Variants in SAMD3 observed in about 807,000 individuals in gnomAD.
SAMD3 encodes sterile alpha motif domain-containing protein 3.
SAMD3 carries 63 observed loss-of-function variants against 58.5 expected under a neutral mutation model. The observed-to-expected ratio is 1.08, with a 90% CI of 0.88 to 1.33. The LOEUF is 1.33. SAMD3 is among the 40% of genes most tolerant of loss of function. SAMD3 has a pLI of 0.00. For synonymous variants in SAMD3, 220 were observed against 210.3 expected (o/e 1.05, Z -0.40); for missense variants, 604 against 608.4 (o/e 0.99, Z 0.08).
intron 5 of SAMD3, among the ~76,000 whole-genome samples, chr6:130,194,754 A>T (rs1384047730): frequency 3.3e-5 from 5 of 152,096 alleles, no homozygotes; most frequent in Admixed American, 6.5e-5. Context: ...AGCCCATGGA[A>T]CTCTGGCCCA....
intron 2 of SAMD3, among the ~76,000 whole-genome samples, chr6:130,280,488 CT>C (rs1774942515): frequency 6.6e-6 from 1 of 152,156 alleles, no homozygotes; most frequent in South Asian, 2.1e-4. Flanking sequence ...CCTCCCAAAG[CT>C]TGAAAATATC....
At chr6:130,229,281 A>G (rs998659987) in intron 2 of SAMD3, among the ~76,000 whole-genome samples, 1 of 152,202 alleles carries the variant, frequency 6.6e-6, no homozygotes, top group African/African-American at 2.4e-5. Context: ...ATGTCCGATG[A>G]CCAAAGGTAA....
At chr6:130,347,858 A>T in intron 1 of SAMD3, among the ~76,000 whole-genome samples, 1 of 152,250 alleles carries the variant, frequency 6.6e-6, no homozygotes, top group East Asian at 1.9e-4. Flanking sequence ...AGGGAAGCCC[A>T]TCAGACTAAC....
rs369749900 is a variant in SAMD3 at position 130,292,780 on chromosome 6, G to A, written c.-188+20198C>T. Among the ~76,000 whole-genome samples, 13 of 151,930 alleles carry A rather than the reference G, an allele frequency of 8.6e-5. 1 individual carries two copies. Among genetic ancestry groups the A allele is most frequent in the African/African-American group, 9.7e-5 (4 of 41,438 alleles). On this transcript the variant is annotated intron_variant, in intron 2 of 13. Coordinates refer to the SAMD3 transcript ENST00000368134. ...ACTACAGGCGCCCGTCACCACGCCC[G>A]GCTAATTTTTTGTATTTTTAGTAGA...
In SAMD3 at chr6:130,365,349, C is replaced by T. The variant is rs932854846; in HGVS notation, c.-533G>A. On this transcript the variant is annotated 5_prime_UTR_variant, in exon 1 of 14. Transcript: ENST00000368134. ...CATTTCCCCCGCCCATGGTTCTCGC[C>T]CCCCCAAGCCGTTCTCCGGAACCCC... is the stretch of plus-strand genomic sequence containing the variant. 6.0e-4 allele frequency: 595 copies of T among 985,464 alleles called. 1 individual carries two copies. The highest frequency in any genetic ancestry group is 6.7e-4 in the Non-Finnish European group (557 of 830,056). The allele number at this position is 985,464 out of a possible 1,614,324, so 61.0% of individuals were successfully genotyped here.
At chr6:130,192,999 G>C (rs1562425077) in intron 5 of SAMD3, among the ~76,000 whole-genome samples, 2 of 152,150 alleles carry the variant, frequency 1.3e-5, no homozygotes, top group Admixed American at 6.5e-5. Flanking sequence ...AGACAAAGGA[G>C]ACACGTTTCA....
chr6:130,314,389 A>C lies in SAMD3; in HGVS notation c.-303-1296T>G, dbSNP rs568204956. On this transcript the variant is annotated intron_variant, in intron 1 of 13. Coordinates refer to the SAMD3 transcript ENST00000368134. ...TAAAAACCCATTATAAATTTCAAAT[A>C]GACACCTATGTTGGGTTATGATTCA... is the stretch of plus-strand genomic sequence containing the variant. 2.6e-5 allele frequency among the ~76,000 whole-genome samples: 4 copies of C among 152,344 alleles called. No individual in the cohort carries two copies. The South Asian group carries it at 8.3e-4, about 32-fold the overall frequency.
intron 1 of SAMD3, among the ~76,000 whole-genome samples, chr6:130,352,560 G>A: frequency 6.6e-6 from 1 of 152,146 alleles, no homozygotes; most frequent in East Asian, 1.9e-4. Flanking sequence ...CTAATGCAAA[G>A]TCAAGGATAG....
At chr6:130,244,626 G>A (rs2114899526) in intron 2 of SAMD3, among the ~76,000 whole-genome samples, 1 of 152,196 alleles carries the variant, frequency 6.6e-6, no homozygotes, top group East Asian at 1.9e-4. Context: ...TGCAATCCCA[G>A]CTACTCGGGA....
At chr6:130,197,423 A>C (rs1454845737) in intron 5 of SAMD3, among the ~76,000 whole-genome samples, 1 of 152,230 alleles carries the variant, frequency 6.6e-6, no homozygotes, top group South Asian at 2.1e-4. Flanking sequence ...CTTGAAGTAA[A>C]TAATCTTTGC....
At chr6:130,351,025 G>A (rs1777641233) in intron 1 of SAMD3, among the ~76,000 whole-genome samples, 1 of 152,188 alleles carries the variant, frequency 6.6e-6, no homozygotes, top group Non-Finnish European at 1.5e-5. Context: ...CTAGCCATAT[G>A]TAGAAAGCTG....
intron 8 of SAMD3, among the ~76,000 whole-genome samples, chr6:130,167,823 A>T (rs1790861175): frequency 6.6e-6 from 1 of 152,214 alleles, no homozygotes; most frequent in African/African-American, 2.4e-5. Context: ...ACATTGCAAA[A>T]TACCCGGCAT....
In SAMD3 at chr6:130,340,322, C is replaced by T. The variant is rs554613124; in HGVS notation, c.-304+24798G>A. Among the ~76,000 whole-genome samples, 12 of 152,280 alleles carry T rather than the reference C, an allele frequency of 7.9e-5. No homozygotes were observed. The East Asian group carries it at 1.3e-3, about 17-fold the overall frequency. On this transcript the variant is annotated intron_variant, in intron 1 of 13. Transcript: ENST00000368134. ...CCTTGCCTTTTTCTGAATTCTTTGACCTGTGGCCTCTTCAGTCTTCAAAGC... is the reference window on the plus strand; with the variant it reads ...CCTTGCCTTTTTCTGAATTCTTTGATCTGTGGCCTCTTCAGTCTTCAAAGC...
At chr6:130,148,730 G>T (rs1205740716) in intron 9 of SAMD3, among the ~76,000 whole-genome samples, 1 of 152,118 alleles carries the variant, frequency 6.6e-6, no homozygotes, top group East Asian at 1.9e-4. Flanking sequence ...AAATTTGCCA[G>T]GTATGGTGGC....
At chr6:130,159,914 T>G (rs547303744) in intron 8 of SAMD3, 1 of 152,166 alleles carries the variant, frequency 6.6e-6, no homozygotes, top group Non-Finnish European at 1.5e-5. Context: ...CATACATAAC[T>G]AAAATGGAAG....
intron 1 of SAMD3, among the ~76,000 whole-genome samples, chr6:130,354,798 GAAATAAAAGTTAACAA>G (rs1777778181): frequency 6.6e-6 from 1 of 152,102 alleles, no homozygotes; most frequent in South Asian, 2.1e-4. Flanking sequence ...CCGTAAACCT[GAAATAAAAGTTAACAA>G]AAATAAATTA....
At chr6:130,228,601 G>A (rs1360259000) in intron 2 of SAMD3, among the ~76,000 whole-genome samples, 3 of 152,210 alleles carry the variant, frequency 2.0e-5, no homozygotes, top group Non-Finnish European at 4.4e-5. Flanking sequence ...TGGTTCCAAT[G>A]TGCAGTCAGG....
At chr6:130,232,156 G>A (rs1341595898) in intron 2 of SAMD3, among the ~76,000 whole-genome samples, 1 of 152,104 alleles carries the variant, frequency 6.6e-6, no homozygotes, top group Non-Finnish European at 1.5e-5. Flanking sequence ...ATACAGTGTA[G>A]GAAAGGCCTT....
chr6:130,237,815 CTTTAG>C (rs1773218812), intron 2 of SAMD3, among the ~76,000 whole-genome samples: 1 of 152,048 alleles, frequency 6.6e-6, no homozygotes, highest in South Asian at 2.1e-4. Flanking sequence ...TCAGGTAATA[CTTTAG>C]TTTAGTTTAT....
Sources: gnomAD v4.1 joint callset for allele counts (sites outside exome capture counted in the v4.1 genomes callset) on GRCh38, gnomAD v4.1.1 for gene constraint, MANE v1.5 for transcripts, NCBI Gene and HGNC (gene_info 2026-07-23, HGNC 2026-07-21) for gene names.